The following RHAG variants were observed in gnomAD, a reference collection of about 807,000 sequenced individuals.
RHAG encodes the protein ammonium transporter Rh type A.
A neutral mutation model predicts 42.4 loss-of-function variants in RHAG; 25 were observed. The observed-to-expected ratio is 0.59, with a 90% confidence interval of 0.43 to 0.82. The LOEUF (loss-of-function observed/expected upper bound fraction) is 0.82. RHAG is among the 40% of genes least tolerant of loss of function. The pLI is 0.00. For missense variants in RHAG, 483 were observed against 504.6 expected, an observed-to-expected ratio of 0.96 and a Z score of 0.41; for synonymous variants, 182 against 177.7, an observed-to-expected ratio of 1.02 and a Z score of -0.19.
At chr6:49,615,387 T>TTTA (rs1033287515) in intron 4 of RHAG, 23 of 367,486 alleles carry the variant, frequency 6.3e-5, no homozygotes, top group Non-Finnish European at 7.8e-5. Context: ...TTTAATTGAA[T>TTTA]TTATTATTAT....
intron 7 of RHAG, among the ~76,000 whole-genome samples, chr6:49,608,550 T>G (rs1007872127): frequency 4.6e-5 from 7 of 152,102 alleles, no homozygotes; most frequent in Non-Finnish European, 1.0e-4. Context: ...GTACTTTTTG[T>G]GTTTTTAGTA....
At chr6:49,609,692 T>C (rs1762538939) in intron 7 of RHAG, among the ~76,000 whole-genome samples, 1 of 152,202 alleles carries the variant, frequency 6.6e-6, no homozygotes, top group African/African-American at 2.4e-5. Flanking sequence ...GGAAATATGA[T>C]TAAATGCGTT....
intron 1 of RHAG, among the ~76,000 whole-genome samples, chr6:49,631,506 ATTATT>A (rs537592429): frequency 7.0e-4 from 106 of 151,962 alleles, no homozygotes; most frequent in Middle Eastern, 6.8e-3. Flanking sequence ...TTATGTCATT[ATTATT>A]TTAACACTCC....
chr6:49,628,637 G>A (rs1762880585), intron 1 of RHAG, among the ~76,000 whole-genome samples: 1 of 150,892 alleles, frequency 6.6e-6, no homozygotes, highest in South Asian at 2.1e-4. Flanking sequence ...AGCTCTTAAG[G>A]TGGCGCGTCT....
At position 49,605,680 on chromosome 6, in the gene RHAG, T is replaced by C; in HGVS notation, c.*133A>G. 2 of 869,492 alleles carry C rather than the reference T, an allele frequency of 2.3e-6. No homozygotes were observed. The highest frequency in any genetic ancestry group is 4.0e-6 in the Non-Finnish European group (2 of 504,424). The allele number at this position is 869,492 out of a possible 1,614,324, so 53.9% of individuals were successfully genotyped here. A position where few individuals can be genotyped will look rare whatever the true frequency, so the allele number is the denominator to read the frequency against. On this transcript the variant is annotated 3_prime_UTR_variant, in exon 10 of 10. Coordinates refer to ENST00000371175, the MANE Select transcript of RHAG (RefSeq NM_000324.3). ...TCTATTCACTCTGGTCCATACTCTC[T>C]TTGGTTACTCCCTTTTTGTTTATTT... is the stretch of plus-strand genomic sequence containing the variant.
At chr6:49,615,554 C>T (rs1406042587) in intron 4 of RHAG, 70 bp downstream of exon 4, 1 of 1,551,056 alleles carries the variant, frequency 6.4e-7, no homozygotes, top group East Asian at 2.2e-5. Context: ...ATCTCACACC[C>T]TTGTTGAAGT....
chr6:49,619,595 A>G (rs1360028378), intron 1 of RHAG, among the ~76,000 whole-genome samples: 4 of 152,328 alleles, frequency 2.6e-5, no homozygotes, highest in African/African-American at 4.8e-5. Context: ...ACTATGCACT[A>G]TTACAACAGT....
At position 49,636,788 on chromosome 6, in the gene RHAG, C is replaced by T. The variant is rs530515402; in HGVS notation, c.25G>A (p.Ala9Thr). 1.9e-6 allele frequency: 3 copies of T among 1,613,696 alleles called. No homozygotes were observed. In the African/African-American group the frequency reaches 4.0e-5, roughly 22 times the overall value. Residue 9 changes from alanine to threonine, a missense_variant, in exon 1 of 10, where the codon GCT (alanine) becomes ACT (threonine). By Grantham distance (58) the Ala-to-Thr change is moderately conservative (BLOSUM62 0). Transcript: ENST00000371175. MRFTFPLM[A>T]IVLEIAMIVL... ...ATCATGGCAATTTCCAGGACTATAG[C>T]CATGAGAGGGAATGTGAACCTCATG... is the stretch of plus-strand genomic sequence containing the variant.
chr6:49,623,300 C>G (rs891822869), intron 1 of RHAG, among the ~76,000 whole-genome samples: 1 of 152,110 alleles, frequency 6.6e-6, no homozygotes, highest in Non-Finnish European at 1.5e-5. Flanking sequence ...TGTGGAGGCT[C>G]TTGACAGATA....
At chr6:49,616,105 A>G (rs1562014431) in intron 3 of RHAG, among the ~76,000 whole-genome samples, 1 of 152,184 alleles carries the variant, frequency 6.6e-6, no homozygotes, top group African/African-American at 2.4e-5. Flanking sequence ...CTTAGATAAG[A>G]ACATATTTCT....
At chr6:49,612,931 GTT>G (rs1393438581) in intron 5 of RHAG, among the ~76,000 whole-genome samples, 1 of 152,146 alleles carries the variant, frequency 6.6e-6, no homozygotes, top group African/African-American at 2.4e-5. Context: ...GCCACCGTGT[GTT>G]TTGTAGTCTA....
At chr6:49,611,936 C>T (rs960227471) in intron 6 of RHAG, among the ~76,000 whole-genome samples, 6 of 151,060 alleles carry the variant, frequency 4.0e-5, no homozygotes, top group African/African-American at 7.3e-5. Context: ...TTAGTAGAGA[C>T]GGGGGTTTCA....
chr6:49,612,631 C>A, intron 5 of RHAG, 97 bp from the exon 6 acceptor site: 3 of 1,426,210 alleles, frequency 2.1e-6, no homozygotes, highest in Non-Finnish European at 3.0e-6. Context: ...ACATCACATT[C>A]TTCAGTTGAA....
At chr6:49,607,919 T>C (rs1292309564) in intron 7 of RHAG, among the ~76,000 whole-genome samples, 1 of 152,116 alleles carries the variant, frequency 6.6e-6, no homozygotes, top group Non-Finnish European at 1.5e-5. Flanking sequence ...GTTTTTTTGG[T>C]CTTCCAGTCT....
chr6:49,631,396 C>T (rs1762934178), intron 1 of RHAG, among the ~76,000 whole-genome samples: 1 of 152,150 alleles, frequency 6.6e-6, no homozygotes, highest in Admixed American at 6.5e-5. Context: ...TAGTATTCTT[C>T]TATAAAGAAG....
rs968908168 is a variant in RHAG, at chr6:49,605,457, T to C, written c.*356A>G. 4.5e-5 allele frequency: 13 copies of C among 287,192 alleles called. No individual in the cohort carries two copies. Among genetic ancestry groups the C allele is most frequent in the Non-Finnish European group, 8.7e-5 (13 of 150,028 alleles). 17.8% of individuals were successfully genotyped at this position (287,192 alleles called of 1,614,324 possible). Reference sequence around the variant, plus strand: ...GGTTTCAGTTTTATAATTTTTGGGATTGAAGACATAGTGTCTACATTAAGA... The same window carrying C: ...GGTTTCAGTTTTATAATTTTTGGGACTGAAGACATAGTGTCTACATTAAGA... On this transcript the variant is annotated 3_prime_UTR_variant, in exon 10 of 10. Coordinates refer to ENST00000371175, the MANE Select transcript of RHAG (RefSeq NM_000324.3).
At chr6:49,606,109 G>T (rs145792859) in intron 9 of RHAG, among the ~76,000 whole-genome samples, 4 of 152,124 alleles carry the variant, frequency 2.6e-5, no homozygotes, top group South Asian at 2.1e-4. Flanking sequence ...TTGGGAAAAA[G>T]TATCAATAGA....
intron 1 of RHAG, among the ~76,000 whole-genome samples, chr6:49,623,766 C>G (rs1267038419): frequency 5.6e-4 from 86 of 152,308 alleles, no homozygotes. Flanking sequence ...AAGGGTGCTG[C>G]TGTGGAGAAA....
chr6:49,628,800 T>C (rs946140645), intron 1 of RHAG, among the ~76,000 whole-genome samples: 2 of 151,328 alleles, frequency 1.3e-5, no homozygotes, highest in Non-Finnish European at 2.9e-5. Flanking sequence ...GCTTCAGGAG[T>C]GAAGCTGCAG....
Sources: allele counts gnomAD v4.1 joint callset (sites outside exome capture counted in the v4.1 genomes callset), GRCh38; gene constraint gnomAD v4.1.1; transcripts MANE v1.5; gene names NCBI Gene and HGNC (gene_info 2026-07-23, HGNC 2026-07-21).